The following ZNF865 variants were observed in gnomAD, a reference collection of about 807,000 sequenced individuals.
ZNF865 encodes the protein zinc finger protein 865.
For missense variants in ZNF865, 1,311 were observed against 1,593.4 expected (o/e 0.82, Z 3.02); for synonymous variants, 763 against 750.8 (o/e 1.02, Z -0.27).
At chr19:55,606,406 A>G (rs1440216744) in intron 1 of ZNF865, among the ~76,000 whole-genome samples, 1 of 152,126 alleles carries the variant, frequency 6.6e-6, no homozygotes, top group African/African-American at 2.4e-5. Context: ...TCACACTCAC[A>G]TCCTCTCCCG....
chr19:55,613,251 T>C (rs1981201886), intron 1 of ZNF865, among the ~76,000 whole-genome samples: 2 of 152,008 alleles, frequency 1.3e-5, no homozygotes. Flanking sequence ...ATAGAGGGCC[T>C]GCAGGTGGTG....
Position 55,615,837 on chromosome 19 carries a change from C to G in ZNF865, c.2219C>G (p.Ser740Cys), listed in dbSNP as rs1390584295. ...GGCGGCCTGCAGCCCCCGGACGGCT[C>G]CAGCGGCACGGATGCGGCCAGCGTG... ...APGGLQPPDGSSGTDAASVLD... is the reference protein window; with the variant it reads ...APGGLQPPDGCSGTDAASVLD... The change falls in exon 2 of 2, where the codon TCC becomes TGC. Residue 740 changes from serine (S) to cysteine (C), a missense_variant. Coordinates refer to ENST00000568956, the MANE Select transcript of ZNF865 (RefSeq NM_001195605.2). 3.3e-6 allele frequency: 5 copies of G among 1,502,306 alleles called. No homozygotes were observed. The highest frequency in any genetic ancestry group is 4.4e-6 in the Non-Finnish European group (5 of 1,132,776). The allele number at this position is 1,502,306 out of a possible 1,614,324, so 93.1% of individuals were successfully genotyped here. A position where few individuals can be genotyped will look rare whatever the true frequency, so the allele number is the denominator to read the frequency against.
At chr19:55,606,481 C>T (rs1043934860) in intron 1 of ZNF865, among the ~76,000 whole-genome samples, 1 of 152,230 alleles carries the variant, frequency 6.6e-6, no homozygotes, top group Non-Finnish European at 1.5e-5. Flanking sequence ...TACCTCCTCT[C>T]ACCCCACCCT....
At chr19:55,606,226 A>C (rs890037016) in intron 1 of ZNF865, among the ~76,000 whole-genome samples, 1 of 150,924 alleles carries the variant, frequency 6.6e-6, no homozygotes, top group Non-Finnish European at 1.5e-5. Flanking sequence ...GGCCCTGACC[A>C]CCTCCCTCCC....
intron 1 of ZNF865, among the ~76,000 whole-genome samples, chr19:55,609,159 C>T (rs1310402846): frequency 6.6e-6 from 1 of 152,190 alleles, no homozygotes; most frequent in Non-Finnish European, 1.5e-5. Flanking sequence ...GCTGGAACTA[C>T]AGGTGTGCAC....
chr19:55,614,846 G>C lies in ZNF865; in HGVS notation c.1228G>C (p.Gly410Arg), dbSNP rs1277375392. The C allele has an allele frequency of 1.3e-6, 2 of 1,528,646 alleles. No homozygotes were observed. The highest frequency in any genetic ancestry group is 2.5e-5 in the East Asian group (1 of 40,502). 94.7% of individuals were successfully genotyped at this position (1,528,646 alleles called of 1,614,324 possible). A position where few individuals can be genotyped will look rare whatever the true frequency, so the allele number is the denominator to read the frequency against. Residue 410 changes from glycine to arginine, a missense_variant, in exon 2 of 2, where the codon GGC (glycine) becomes CGC (arginine). Gly to Arg is a moderately radical substitution (Grantham distance 125). Transcript: ENST00000568956. The surrounding 1 kb of genome is among the most constrained non-coding windows in gnomAD (Gnocchi z 8.0). ...GGCCGACCTCCTGCGCCTGCCCTGC[G>C]GCATCTGCGGGAAGGCCTTCCGCGA... Reference protein sequence around the residue: ...HSADLLRLPCGICGKAFRDAS... With the variant: ...HSADLLRLPCRICGKAFRDAS...
rs1216812600 is a variant in ZNF865 at position 55,615,290 on chromosome 19, G to A, written c.1672G>A (p.Gly558Ser). The A allele has an allele frequency of 2.6e-6, 4 of 1,526,218 alleles. No homozygotes were observed. The highest frequency in any genetic ancestry group is 3.5e-6 in the Non-Finnish European group (4 of 1,143,280). The allele number at this position is 1,526,218 out of a possible 1,614,324, so 94.5% of individuals were successfully genotyped here. Residue 558 changes from glycine to serine, a missense_variant, in exon 2 of 2, where the codon GGC becomes AGC. Coordinates refer to ENST00000568956, the MANE Select transcript of ZNF865 (RefSeq NM_001195605.2). Reference sequence around the variant, plus strand: ...GTTCTGCTGCGGCATCTGCGGGCGCGGCTTCGGGCGCCGCGAGACCCTGAA... The same window carrying A: ...GTTCTGCTGCGGCATCTGCGGGCGCAGCTTCGGGCGCCGCGAGACCCTGAA... ...KTFCCGICGR[G>S]FGRRETLKRH...
Position 55,615,419 on chromosome 19 carries a change from A to T in ZNF865, c.1801A>T (p.Thr601Ser), listed in dbSNP as rs1340300892. 1.3e-6 allele frequency: 2 copies of T among 1,493,838 alleles called. No individual in the cohort carries two copies. Among genetic ancestry groups the T allele is most frequent in the East Asian group, 5.1e-5 (2 of 39,560 alleles). 92.5% of individuals were successfully genotyped at this position (1,493,838 alleles called of 1,614,324 possible). ...CTTGAGCAAGCATCACGTGGTGCAC[A>T]CGCGCGAGCGGCCCTACAAGTGCGA... Reference protein sequence around the residue: ...FHLSKHHVVHTRERPYKCELC... With the variant: ...FHLSKHHVVHSRERPYKCELC... Residue 601 changes from threonine to serine, a missense_variant, in exon 2 of 2, where the codon ACG becomes TCG. Coordinates refer to ENST00000568956, the MANE Select transcript of ZNF865 (RefSeq NM_001195605.2).
chr19:55,614,907 C>A lies in ZNF865; in HGVS notation c.1289C>A (p.Ala430Glu). The A allele has an allele frequency of 6.7e-7, 1 of 1,488,778 alleles. No homozygotes were observed. The allele number at this position is 1,488,778 out of a possible 1,614,324, so 92.2% of individuals were successfully genotyped here. The change falls in exon 2 of 2, where the codon GCG becomes GAG. Residue 430 changes from alanine (A) to glutamate (E), a missense_variant. Transcript: ENST00000568956. This position sits in a 1 kb window ranked among gnomAD's most constrained non-coding sequence, Gnocchi z 8.0. ...SYLLKHQAAH[A>E]GAGAGGPRPV... ...CTCCTCAAGCACCAGGCGGCCCACGCGGGGGCGGGCGCCGGGGGGCCTCGG... is the reference window on the plus strand; with the variant it reads ...CTCCTCAAGCACCAGGCGGCCCACGAGGGGGCGGGCGCCGGGGGGCCTCGG...
rs547189597 is a variant in ZNF865, at chr19:55,613,615, G to A, written c.-4G>A. On this transcript the variant is annotated 5_prime_UTR_variant, in exon 2 of 2. Coordinates refer to ENST00000568956, the MANE Select transcript of ZNF865 (RefSeq NM_001195605.2). Reference sequence around the variant, plus strand: ...CAGGGTCTCCCGTCTCCCACCCGCCGGAGATGGAGGCGAACCCAGCGGGCA... The same window carrying A: ...CAGGGTCTCCCGTCTCCCACCCGCCAGAGATGGAGGCGAACCCAGCGGGCA... The A allele has an allele frequency of 4.9e-5, 74 of 1,511,286 alleles. No homozygotes were observed. The highest frequency in any genetic ancestry group is 5.7e-5 in the Non-Finnish European group (65 of 1,134,590). The allele number at this position is 1,511,286 out of a possible 1,614,324, so 93.6% of individuals were successfully genotyped here.
In ZNF865 at chr19:55,616,303, C is replaced by A. The variant is rs1217025990; in HGVS notation, c.2685C>A (p.Arg895=). 6.6e-7 allele frequency: 1 copy of A among 1,520,722 alleles called. No individual in the cohort carries two copies. The highest frequency in any genetic ancestry group is 1.2e-5 in the South Asian group (1 of 82,574). The allele number at this position is 1,520,722 out of a possible 1,614,324, so 94.2% of individuals were successfully genotyped here. Residue 895 remains arginine (R), a synonymous_variant, in exon 2 of 2, where the codon CGC becomes CGA. Transcript: ENST00000568956. ...FLRSWYLRQH[R]VVHTGERAFK... ...GCTCCTGGTACCTGCGGCAGCACCG[C>A]GTGGTGCACACTGGCGAGCGGGCCT...
At chr19:55,610,678 A>G (rs879559047) in intron 1 of ZNF865, among the ~76,000 whole-genome samples, 13 of 152,212 alleles carry the variant, frequency 8.5e-5, no homozygotes, top group Non-Finnish European at 1.5e-4. Flanking sequence ...GTGCTACGCT[A>G]AGTGCTGGGG....
chr19:55,615,145 CGCGGCGGCG>C lies in ZNF865; in HGVS notation c.1529_1537del (p.Ala510_Ala512del), dbSNP rs1390844011. On this transcript the variant is annotated inframe_deletion, in exon 2 of 2. Coordinates refer to ENST00000568956, the MANE Select transcript of ZNF865 (RefSeq NM_001195605.2). ...CAGACAGCGAGAAGGCGGCGGCGGC[CGCGGCGGCG>C]GTGGTGTACGGCGCTGTGCCCGTCC... 2.5e-6 allele frequency: 3 copies of C among 1,199,992 alleles called. No homozygotes were observed. Among genetic ancestry groups the C allele is most frequent in the Non-Finnish European group, 3.1e-6 (3 of 966,470 alleles). The allele number at this position is 1,199,992 out of a possible 1,614,324, so 74.3% of individuals were successfully genotyped here. A position where few individuals can be genotyped will look rare whatever the true frequency, so the allele number is the denominator to read the frequency against.
Position 55,610,439 on chromosome 19 carries a change from T to A in ZNF865, c.-26-3154T>A, listed in dbSNP as rs1981090724. On this transcript the variant is annotated intron_variant, in intron 1 of 1. Coordinates refer to ENST00000568956, the MANE Select transcript of ZNF865 (RefSeq NM_001195605.2). ...CCAAGCCTGGCTAATTTTTGTATTT[T>A]TAGTAGAGACGGGGTTTCGCCATGT... Among the ~76,000 whole-genome samples, 3 of 152,196 alleles carry A rather than the reference T, an allele frequency of 2.0e-5. No homozygotes were observed. In the South Asian group the frequency reaches 6.2e-4, roughly 31 times the overall value.
At chr19:55,610,805 G>A (rs1981105714) in intron 1 of ZNF865, among the ~76,000 whole-genome samples, 1 of 152,172 alleles carries the variant, frequency 6.6e-6, no homozygotes, top group African/African-American at 2.4e-5. Context: ...AAACACCTGC[G>A]GCTGGATGAG....
chr19:55,607,154 CTTCATTCA>C (rs1980972579), intron 1 of ZNF865, among the ~76,000 whole-genome samples: 1 of 152,178 alleles, frequency 6.6e-6, no homozygotes, highest in Admixed American at 6.5e-5. Flanking sequence ...CCAGAATGTT[CTTCATTCA>C]TTCATACGTT....
Position 55,617,231 on chromosome 19 carries a change from T to G in ZNF865, c.*433T>G, listed in dbSNP as rs1475491098. ...GGGGGGCGGGGTGGCAGACGCGGCT[T>G]GTACAGAGCGGAGAATAATAAATCT... On this transcript the variant is annotated 3_prime_UTR_variant, in exon 2 of 2. Coordinates refer to ENST00000568956, the MANE Select transcript of ZNF865 (RefSeq NM_001195605.2). 6.2e-6 allele frequency: 1 copy of G among 162,044 alleles called. No homozygotes were observed. The highest frequency in any genetic ancestry group is 1.3e-5 in the Non-Finnish European group (1 of 75,148). 10.0% of individuals were successfully genotyped at this position (162,044 alleles called of 1,614,324 possible).
In ZNF865 at chr19:55,615,229, G is replaced by C. The variant is rs1981309552; in HGVS notation, c.1611G>C (p.Gly537=). The C allele has an allele frequency of 2.0e-6, 3 of 1,504,790 alleles. No homozygotes were observed. Among genetic ancestry groups the C allele is most frequent in the African/African-American group, 1.4e-5 (1 of 69,362 alleles). 93.2% of individuals were successfully genotyped at this position (1,504,790 alleles called of 1,614,324 possible). The part of the protein sequence containing the change: ...PLLLGGAGTS[G]AGGSGASVPG... ...TGCTCGGCGGCGCGGGGACCAGCGG[G>C]GCGGGAGGCTCGGGCGCCAGCGTCC... The change falls in exon 2 of 2, where the codon GGG becomes GGC. Residue 537 remains glycine (G), a synonymous_variant. Coordinates refer to ENST00000568956, the MANE Select transcript of ZNF865 (RefSeq NM_001195605.2).
chr19:55,606,435 G>A (rs138488379), intron 1 of ZNF865, among the ~76,000 whole-genome samples: 1 of 151,976 alleles, frequency 6.6e-6, no homozygotes, highest in Non-Finnish European at 1.5e-5. Flanking sequence ...AGAAATATCC[G>A]CCTGCTTAGC....
Sources: gnomAD v4.1 joint callset for allele counts (sites outside exome capture counted in the v4.1 genomes callset) on GRCh38, gnomAD v4.1.1 for gene constraint, Gnocchi (gnomAD v3.1) non-coding constraint, MANE v1.5 for transcripts, NCBI Gene and HGNC (gene_info 2026-07-23, HGNC 2026-07-21) for gene names.